The following COLEC10 variants were observed in gnomAD, a reference collection of about 807,000 sequenced individuals.
The protein encoded by COLEC10 is collectin-10.
COLEC10 carries 22 observed loss-of-function variants against 28.4 expected under a neutral mutation model. The ratio of observed to expected loss-of-function variants is 0.78; its 90% CI spans 0.55 to 1.11. COLEC10 has a LOEUF of 1.11. Ranked by LOEUF, COLEC10 falls within the 50% of genes least tolerant of loss-of-function variation. The probability of loss-of-function intolerance (pLI) is 0.00; values close to 1 mark genes in which losing one functional copy is unlikely to be tolerated. For synonymous variants in COLEC10, 125 were observed against 116.1 expected, an observed-to-expected ratio of 1.08 and a Z score of -0.49; for missense variants, 361 against 344.1, an observed-to-expected ratio of 1.05 and a Z score of -0.39.
At chr8:119,091,297 C>G in intron 3 of COLEC10, 77 bp downstream of exon 3, 1 of 1,083,572 alleles carries the variant, frequency 9.2e-7, no homozygotes, top group Non-Finnish European at 1.4e-6. Context: ...CACCAGTAAT[C>G]CCAACACTCA....
the COLEC10 span, among the ~76,000 whole-genome samples, chr8:118,971,879 T>C: frequency 2.0e-5 from 3 of 151,996 alleles, no homozygotes; most frequent in East Asian, 1.9e-4. Flanking sequence ...CTGTTTTTAC[T>C]TCAGTAGAAT....
the COLEC10 span, among the ~76,000 whole-genome samples, chr8:118,983,975 C>T: frequency 2.0e-5 from 3 of 150,736 alleles, no homozygotes; most frequent in Non-Finnish European, 4.4e-5. Flanking sequence ...CTGGTAATCC[C>T]ATTACTGGGT....
At chr8:119,042,187 G>A (rs1201209783) in intron 2 of COLEC10, among the ~76,000 whole-genome samples, 2 of 151,256 alleles carry the variant, frequency 1.3e-5, no homozygotes, top group Non-Finnish European at 2.9e-5. Flanking sequence ...TAGTAGAGAC[G>A]GGGTTTCACC....
chr8:119,084,898 A>G (rs1260532650), intron 1 of COLEC10, among the ~76,000 whole-genome samples: 1 of 152,210 alleles, frequency 6.6e-6, no homozygotes, highest in Admixed American at 6.5e-5. Context: ...AAGAGTAAGT[A>G]ATGATTATAT....
rs1448260693 is a variant in COLEC10 at position 119,107,901 on chromosome 8, G to T, written c.*1710G>T. On this transcript the variant is annotated 3_prime_UTR_variant, in exon 6 of 6. Coordinates refer to ENST00000332843, the MANE Select transcript of COLEC10 (RefSeq NM_006438.5). ...AATTTTTAACCCAAATTTTAAGTGG[G>T]TTAAAAATTAATTAAAATTAAAGAT... Among the ~76,000 whole-genome samples, 1 of 152,084 alleles carries T rather than the reference G, an allele frequency of 6.6e-6. No individual in the cohort carries two copies. The highest frequency in any genetic ancestry group is 2.4e-5 in the African/African-American group (1 of 41,424).
At chr8:119,066,017 T>C (rs1029339829), upstream of COLEC10, among the ~76,000 whole-genome samples, 2 of 152,190 alleles carry the variant, frequency 1.3e-5, no homozygotes, top group African/African-American at 4.8e-5. Context: ...CGGCCGCTGG[T>C]GTAAGCCACT....
At chr8:118,994,769 T>C (rs955491484), upstream of COLEC10, among the ~76,000 whole-genome samples, 1 of 152,240 alleles carries the variant, frequency 6.6e-6, no homozygotes, top group African/African-American at 2.4e-5. Context: ...GTAGTTTTGA[T>C]GTGACAGTAA....
the COLEC10 span, among the ~76,000 whole-genome samples, chr8:118,983,133 G>T: frequency 2.6e-5 from 4 of 152,112 alleles, no homozygotes; most frequent in Non-Finnish European, 1.5e-5. Flanking sequence ...CAGTATTTTG[G>T]TGTTCCACAG....
chr8:119,025,129 TTCCTTC>T (rs1416881135), intron 2 of COLEC10, among the ~76,000 whole-genome samples: 1 of 152,194 alleles, frequency 6.6e-6, no homozygotes, highest in East Asian at 1.9e-4. Flanking sequence ...CTACAGTCTA[TTCCTTC>T]CAGAATGTTG....
chr8:119,104,563 C>A (rs954409702), intron 5 of COLEC10, among the ~76,000 whole-genome samples: 4 of 152,078 alleles, frequency 2.6e-5, no homozygotes, highest in African/African-American at 9.7e-5. Context: ...TATGTATTTT[C>A]TGAGACAGTA....
intron 2 of COLEC10, among the ~76,000 whole-genome samples, chr8:119,020,589 C>T (rs1030857557): frequency 1.3e-5 from 2 of 152,118 alleles, no homozygotes; most frequent in Non-Finnish European, 2.9e-5. Context: ...ACTTAGTACA[C>T]TGAAGATGTA....
In COLEC10 at chr8:119,078,857, TAC is replaced by T. The variant is rs201688221; in HGVS notation, c.149-10820_149-10819del. On this transcript the variant is annotated intron_variant, in intron 1 of 5. Transcript: ENST00000332843. ...TAATAACTACATTTAATAACAATAC[TAC>T]ACTTTCTCCTTAAATTTGTTTCTAA... Among the ~76,000 whole-genome samples, 572 of 152,312 alleles carry T rather than the reference TAC, an allele frequency of 3.8e-3. 13 individuals carry two copies. Among genetic ancestry groups the T allele is most frequent in the Admixed American group, 0.033 (511 of 15,292 alleles).
chr8:119,058,941 T>A (rs1481762768), intron 2 of COLEC10, among the ~76,000 whole-genome samples: 1 of 152,092 alleles, frequency 6.6e-6, no homozygotes, highest in Non-Finnish European at 1.5e-5. Context: ...CATTTATTAT[T>A]ATTATTATGG....
intron 2 of COLEC10, among the ~76,000 whole-genome samples, chr8:119,056,841 C>G (rs560661668): frequency 6.6e-6 from 1 of 151,982 alleles, no homozygotes; most frequent in Non-Finnish European, 1.5e-5. Context: ...ATGTATAATG[C>G]CCTTCAGGAT....
the COLEC10 span, among the ~76,000 whole-genome samples, chr8:118,953,692 A>G: frequency 2.0e-5 from 3 of 152,216 alleles, no homozygotes; most frequent in Admixed American, 6.5e-5. Flanking sequence ...TGAGCATTAA[A>G]TAAAGTAATG....
chr8:118,971,897 A>G, the COLEC10 span, among the ~76,000 whole-genome samples: 1 of 151,960 alleles, frequency 6.6e-6, no homozygotes, highest in Non-Finnish European at 1.5e-5. Context: ...AATCAGCAGC[A>G]TTGTATCGGG....
chr8:118,983,302 A>T, the COLEC10 span, among the ~76,000 whole-genome samples: 2 of 152,102 alleles, frequency 1.3e-5, no homozygotes, highest in South Asian at 4.1e-4. Context: ...CCTTTTGTTT[A>T]TATTTCTTTG....
chr8:119,103,109 A>G (rs1174404651), intron 4 of COLEC10, among the ~76,000 whole-genome samples: 1 of 152,190 alleles, frequency 6.6e-6, no homozygotes, highest in Non-Finnish European at 1.5e-5. Flanking sequence ...GAAAAAGAGA[A>G]TCATTTGAAT....
intron 2 of COLEC10, among the ~76,000 whole-genome samples, chr8:119,019,062 CCAA>C (rs557947331): frequency 1.1e-3 from 166 of 152,276 alleles, no homozygotes; most frequent in Non-Finnish European, 1.9e-3. Flanking sequence ...TTACCCGCAT[CCAA>C]CAACTCCCAG....
Sources: gnomAD v4.1 joint callset for allele counts (sites outside exome capture counted in the v4.1 genomes callset) on GRCh38, gnomAD v4.1.1 for gene constraint, MANE v1.5 for transcripts, NCBI Gene and HGNC (gene_info 2026-07-23, HGNC 2026-07-21) for gene names.